Variants in PCDH7 observed in about 807,000 individuals in gnomAD.
PCDH7 encodes the protein protocadherin-7.
Under a neutral mutation model 58.9 loss-of-function variants are expected in PCDH7, and 17 were observed. That is an observed-to-expected ratio of 0.29 (90% CI 0.20 to 0.43). The LOEUF is 0.43. PCDH7 is among the 20% of genes least tolerant of loss of function. The pLI, the probability that PCDH7 is intolerant of heterozygous loss-of-function variation, is 1.00. For missense variants in PCDH7, 1,274 were observed against 1,441.0 expected (o/e 0.88, Z 1.88); for synonymous variants, 664 against 616.4 (o/e 1.08, Z -1.14).
intron 3 of PCDH7, among the ~76,000 whole-genome samples, chr4:31,105,065 C>G (rs1396051548): frequency 6.6e-6 from 1 of 152,096 alleles, no homozygotes; most frequent in Non-Finnish European, 1.5e-5. Context: ...AAGGATGGCG[C>G]CTACCTTCAT....
intron 1 of PCDH7, among the ~76,000 whole-genome samples, chr4:30,849,498 A>C (rs552611803): frequency 8.3e-6 from 1 of 119,990 alleles, no homozygotes; most frequent in Non-Finnish European, 1.6e-5. Context: ...TATAAAAAAC[A>C]TGGATGAACA....
intron 3 of PCDH7, among the ~76,000 whole-genome samples, chr4:31,012,538 A>C (rs961008731): frequency 3.3e-5 from 5 of 150,598 alleles, no homozygotes; most frequent in Non-Finnish European, 3.0e-5. Flanking sequence ...ATGAGGCATA[A>C]AAATCTACAT....
intron 3 of PCDH7, among the ~76,000 whole-genome samples, chr4:30,957,739 T>C (rs1367229074): frequency 6.6e-6 from 1 of 152,206 alleles, no homozygotes; most frequent in African/African-American, 2.4e-5. Context: ...AAATAGGCTT[T>C]ACATTGTAAG....
chr4:30,919,255 A>G (rs1742871015), intron 1 of PCDH7, among the ~76,000 whole-genome samples: 1 of 151,986 alleles, frequency 6.6e-6, no homozygotes, highest in African/African-American at 2.4e-5. Flanking sequence ...AGCACTGTCA[A>G]TACATGGCAT....
At chr4:30,905,823 T>G (rs941162423) in intron 1 of PCDH7, among the ~76,000 whole-genome samples, 1 of 152,202 alleles carries the variant, frequency 6.6e-6, no homozygotes, top group African/African-American at 2.4e-5. Context: ...TCTGTTCTAT[T>G]TTACACCAGC....
At chr4:30,981,956 AACAG>A (rs1212343100) in intron 3 of PCDH7, among the ~76,000 whole-genome samples, 2 of 152,194 alleles carry the variant, frequency 1.3e-5, no homozygotes, top group Admixed American at 6.5e-5. Flanking sequence ...ATTGCAAGTA[AACAG>A]ACAGGAGGAA....
intron 3 of PCDH7, among the ~76,000 whole-genome samples, chr4:31,033,036 TA>T (rs1227559056): frequency 6.6e-6 from 1 of 152,164 alleles, no homozygotes; most frequent in Non-Finnish European, 1.5e-5. Context: ...ACAGGAATCA[TA>T]GTGTGTTGGT....
intron 3 of PCDH7, among the ~76,000 whole-genome samples, chr4:30,980,347 G>GT (rs980896010): frequency 1.1e-4 from 16 of 150,108 alleles, no homozygotes; most frequent in South Asian, 2.1e-4. Flanking sequence ...AATATAAATT[G>GT]TTTTTTTTGT....
At chr4:30,969,749 A>G (rs1317987923) in intron 3 of PCDH7, among the ~76,000 whole-genome samples, 7 of 152,320 alleles carry the variant, frequency 4.6e-5, no homozygotes, top group Middle Eastern at 3.4e-3. Context: ...ATCTATGTAA[A>G]TGGAACAAAA....
At chr4:30,946,941 A>T (rs1007052669) in intron 2 of PCDH7, among the ~76,000 whole-genome samples, 2 of 151,818 alleles carry the variant, frequency 1.3e-5, no homozygotes, top group Non-Finnish European at 2.9e-5. Context: ...CAAACTCCTG[A>T]CCTCAGGTGA....
At chr4:30,759,620 A>G (rs1314450109) in intron 1 of PCDH7, among the ~76,000 whole-genome samples, 2 of 152,108 alleles carry the variant, frequency 1.3e-5, no homozygotes, top group Admixed American at 6.5e-5. Context: ...TCTGTTTAGA[A>G]TTTTTCTTCA....
intron 2 of PCDH7, among the ~76,000 whole-genome samples, chr4:30,932,039 TG>T (rs1744670411): frequency 6.6e-6 from 1 of 152,192 alleles, no homozygotes; most frequent in Non-Finnish European, 1.5e-5. Context: ...ACTACATTTA[TG>T]GTGAGATCTA....
chr4:30,997,011 G>A (rs905828640), intron 3 of PCDH7, among the ~76,000 whole-genome samples: 25 of 151,796 alleles, frequency 1.6e-4, no homozygotes, highest in African/African-American at 6.0e-4. Flanking sequence ...ATTGCCAAGA[G>A]GTATAACTGT....
intron 1 of PCDH7, among the ~76,000 whole-genome samples, chr4:30,875,331 C>T (rs1283151620): frequency 6.6e-6 from 1 of 152,012 alleles, no homozygotes; most frequent in Non-Finnish European, 1.5e-5. Context: ...TGAACCAGCT[C>T]ACTTTACATT....
chr4:31,022,658 C>T (rs1754118435), intron 3 of PCDH7, among the ~76,000 whole-genome samples: 1 of 152,116 alleles, frequency 6.6e-6, no homozygotes, highest in East Asian at 1.9e-4. Context: ...TTTAAACCTT[C>T]CTCCATTCCT....
chr4:30,943,103 T>C (rs995238743), intron 2 of PCDH7, among the ~76,000 whole-genome samples: 9 of 152,052 alleles, frequency 5.9e-5, no homozygotes, highest in Admixed American at 2.0e-4. Flanking sequence ...AGGTAGTTTA[T>C]TGGATATTAT....
At chr4:30,933,884 G>T (rs1387879928) in intron 2 of PCDH7, among the ~76,000 whole-genome samples, 6 of 152,184 alleles carry the variant, frequency 3.9e-5, no homozygotes, top group African/African-American at 1.4e-4. Flanking sequence ...AGGAAATGGA[G>T]TTTTAGGGCC....
At chr4:30,736,183 A>G (rs1448490486), downstream of PCDH7, among the ~76,000 whole-genome samples, 1 of 152,208 alleles carries the variant, frequency 6.6e-6, no homozygotes, top group Non-Finnish European at 1.5e-5. Context: ...TAAAGAGGAT[A>G]ACAAAGGCCT....
At chr4:30,979,274 C>T (rs1032160855) in intron 3 of PCDH7, among the ~76,000 whole-genome samples, 6 of 147,784 alleles carry the variant, frequency 4.1e-5, no homozygotes, top group South Asian at 2.1e-4. Context: ...TGCAGTGAGC[C>T]GAGGTGGTGC....
Sources: allele counts gnomAD v4.1 joint callset (sites outside exome capture counted in the v4.1 genomes callset), GRCh38; gene constraint gnomAD v4.1.1; transcripts MANE v1.5; gene names NCBI Gene and HGNC (gene_info 2026-07-23, HGNC 2026-07-21).